The following PTPRD variants were observed in gnomAD, a reference collection of about 807,000 sequenced individuals.
The protein encoded by PTPRD is receptor-type tyrosine-protein phosphatase delta.
Under a neutral mutation model 214.5 loss-of-function variants are expected in PTPRD, and 34 were observed. The ratio of observed to expected loss-of-function variants is 0.16; its 90% CI spans 0.12 to 0.21. The LOEUF is 0.21. Ranked by LOEUF, PTPRD falls within the 10% of genes least tolerant of loss-of-function variation. PTPRD has a pLI of 1.00. For missense variants in PTPRD, 2,545 were observed against 2,398.7 expected (o/e 1.06, Z -1.27); for synonymous variants, 1,128 against 845.7 (o/e 1.33, Z -5.79).
chr9:9,788,660 T>C (rs867753845), intron 5 of PTPRD, among the ~76,000 whole-genome samples: 4 of 151,508 alleles, frequency 2.6e-5, no homozygotes, highest in Middle Eastern at 3.2e-3. Flanking sequence ...ATTAATCTGA[T>C]ACAAAAGAAA....
At chr9:10,315,957 C>A (rs562592457) in intron 3 of PTPRD, among the ~76,000 whole-genome samples, 3 of 151,658 alleles carry the variant, frequency 2.0e-5, no homozygotes, top group South Asian at 2.1e-4. Context: ...AACTTGGAAT[C>A]GCTTTTGGAT....
rs577213539 is a variant in PTPRD, at chr9:8,865,346, T to C, written c.-103-131400A>G. Among the ~76,000 whole-genome samples, 3 of 152,278 alleles carry C rather than the reference T, an allele frequency of 2.0e-5. No individual in the cohort carries two copies. The East Asian group carries it at 5.8e-4, about 29-fold the overall frequency. ...CACAGTTGTTTGAGAGCAGGATTCA[T>C]GTCTGATTGGAACCCAGAGCTCCTG... On this transcript the variant is annotated intron_variant, in intron 11 of 45. Coordinates refer to ENST00000381196, the MANE Select transcript of PTPRD (RefSeq NM_002839.4).
chr9:9,701,845 G>A (rs1013750523), intron 7 of PTPRD, among the ~76,000 whole-genome samples: 1 of 152,140 alleles, frequency 6.6e-6, no homozygotes, highest in South Asian at 2.1e-4. Context: ...TTGGCCAGGT[G>A]TGGTGGCTCA....
chr9:8,770,279 G>A (rs60445316), intron 11 of PTPRD, among the ~76,000 whole-genome samples: 6,986 of 151,274 alleles, frequency 0.046, 400 homozygotes, highest in African/African-American at 0.13. Flanking sequence ...GCTAGATTCC[G>A]TCTCAAATAA....
chr9:8,813,324 T>C (rs1010905951), intron 11 of PTPRD, among the ~76,000 whole-genome samples: 1 of 152,048 alleles, frequency 6.6e-6, no homozygotes, highest in African/African-American at 2.4e-5. Flanking sequence ...AGGAATAGCT[T>C]ATCAGAATTC....
chr9:9,891,207 C>G (rs79143150), intron 5 of PTPRD, among the ~76,000 whole-genome samples: 4 of 152,046 alleles, frequency 2.6e-5, no homozygotes, highest in Admixed American at 2.6e-4. Flanking sequence ...TTCTCCCATC[C>G]AACTCAGATT....
intron 8 of PTPRD, among the ~76,000 whole-genome samples, chr9:9,445,165 G>A (rs575468161): frequency 6.6e-6 from 1 of 152,240 alleles, no homozygotes; most frequent in East Asian, 1.9e-4. Context: ...GATTATTCTG[G>A]ATAATAAATG....
intron 3 of PTPRD, among the ~76,000 whole-genome samples, chr9:10,104,157 G>A (rs545324268): frequency 1.3e-5 from 2 of 151,642 alleles, no homozygotes; most frequent in Non-Finnish European, 3.0e-5. Context: ...GGTGCCAGGG[G>A]CTGGGAGAGG....
At chr9:10,126,807 C>T (rs187162801) in intron 3 of PTPRD, among the ~76,000 whole-genome samples, 171 of 152,248 alleles carry the variant, frequency 1.1e-3, no homozygotes, top group African/African-American at 4.0e-3. Context: ...GGTTGTTCCA[C>T]TGTTCAAGCT....
At chr9:10,293,053 A>C (rs1565090893) in intron 3 of PTPRD, among the ~76,000 whole-genome samples, 1 of 151,904 alleles carries the variant, frequency 6.6e-6, no homozygotes, top group African/African-American at 2.4e-5. Flanking sequence ...GAATAGGAAC[A>C]CTGTGAAGGA....
At chr9:9,068,863 AC>A (rs575628766) in intron 10 of PTPRD, among the ~76,000 whole-genome samples, 9 of 151,726 alleles carry the variant, frequency 5.9e-5, no homozygotes, top group African/African-American at 1.2e-4. Flanking sequence ...TCCCTCCTTG[AC>A]CCCCCAAAGT....
At chr9:9,870,442 T>C (rs940335267) in intron 5 of PTPRD, among the ~76,000 whole-genome samples, 5 of 151,856 alleles carry the variant, frequency 3.3e-5, no homozygotes, top group Non-Finnish European at 5.9e-5. Flanking sequence ...CCACAGAAAA[T>C]GTAAAATAAA....
chr9:9,316,444 A>C (rs1963169936), intron 9 of PTPRD, among the ~76,000 whole-genome samples: 1 of 152,150 alleles, frequency 6.6e-6, no homozygotes, highest in Non-Finnish European at 1.5e-5. Context: ...AATTAAAAAC[A>C]AGACTTTTAT....
intron 9 of PTPRD, among the ~76,000 whole-genome samples, chr9:9,381,287 A>C (rs1260775086): frequency 6.7e-6 from 1 of 149,188 alleles, no homozygotes; most frequent in Admixed American, 6.7e-5. Context: ...TCACTCTTTT[A>C]CTGCCTTGAG....
At chr9:9,195,562 C>A (rs994740242) in intron 9 of PTPRD, among the ~76,000 whole-genome samples, 4 of 152,012 alleles carry the variant, frequency 2.6e-5, no homozygotes, top group Non-Finnish European at 5.9e-5. Context: ...AATTTTGGTA[C>A]TTTTTGTTAA....
intron 5 of PTPRD, among the ~76,000 whole-genome samples, chr9:9,929,655 G>C (rs113747512): frequency 6.6e-6 from 1 of 152,082 alleles, no homozygotes; most frequent in Admixed American, 6.5e-5. Context: ...GCCTCACAAA[G>C]TGCTGAGATT....
At position 10,511,569 on chromosome 9, in the gene PTPRD, A is replaced by ATTTTT. The variant is rs66768632; in HGVS notation, c.-600+100824_-600+100828dup. Among the ~76,000 whole-genome samples the ATTTTT allele has an allele frequency of 1.2e-4, 15 of 127,868 alleles. 1 individual carries two copies. The highest frequency in any genetic ancestry group is 2.1e-4 in the African/African-American group (7 of 32,566). 83.9% of individuals were successfully genotyped at this position (127,868 alleles called of 152,430 possible). A position where few individuals can be genotyped will look rare whatever the true frequency, so the allele number is the denominator to read the frequency against. ...CAGGTGTGCGCCACCACACCCTGGT[A>ATTTTT]TTTTTTTTTTTTTTTTTTGTATTTT... On this transcript the variant is annotated intron_variant, in intron 2 of 45. Transcript: ENST00000381196.
intron 5 of PTPRD, among the ~76,000 whole-genome samples, chr9:9,852,388 T>C (rs1337408546): frequency 6.6e-6 from 1 of 152,002 alleles, no homozygotes. Context: ...CATAAAAGAA[T>C]GTGGAACTAG....
chr9:9,528,614 A>G (rs1432414231), intron 8 of PTPRD, among the ~76,000 whole-genome samples: 4 of 152,158 alleles, frequency 2.6e-5, no homozygotes, highest in African/African-American at 9.7e-5. Flanking sequence ...ACAAAGGATA[A>G]AAAGAACCAC....
Sources: gnomAD v4.1 joint callset for allele counts (sites outside exome capture counted in the v4.1 genomes callset) on GRCh38, gnomAD v4.1.1 for gene constraint, MANE v1.5 for transcripts, NCBI Gene and HGNC (gene_info 2026-07-23, HGNC 2026-07-21) for gene names.